The following HPSE2 variants were observed in gnomAD, a reference collection of about 807,000 sequenced individuals.
The protein encoded by HPSE2 is heparanase 2 (inactive).
A neutral mutation model predicts 60.5 loss-of-function variants in HPSE2; 38 were observed. The observed-to-expected ratio is 0.63, with a 90% CI of 0.48 to 0.82. HPSE2 has a LOEUF of 0.82. HPSE2 is among the 40% of genes least tolerant of loss of function. The pLI is 0.00. For missense variants in HPSE2, 713 were observed against 740.4 expected (o/e 0.96, Z 0.43); for synonymous variants, 295 against 293.2 (o/e 1.01, Z -0.06).
At chr10:98,789,011 T>C (rs984168705) in intron 3 of HPSE2, among the ~76,000 whole-genome samples, 4 of 152,228 alleles carry the variant, frequency 2.6e-5, no homozygotes, top group Admixed American at 1.3e-4. Context: ...TTTTTCTTTT[T>C]AGCACTTGTC....
chr10:98,796,449 C>T lies in HPSE2; in HGVS notation c.611-52393G>A, dbSNP rs370388784. ...GAAAGGCTCCTCTGCCTGTGAAAAG[C>T]GGAGAGAAGAGTGGGAAGGACTTTG... On this transcript the variant is annotated intron_variant, in intron 3 of 11. Coordinates refer to ENST00000370552, the MANE Select transcript of HPSE2 (RefSeq NM_021828.5). Among the ~76,000 whole-genome samples, 16 of 152,282 alleles carry T rather than the reference C, an allele frequency of 1.1e-4. No individual in the cohort carries two copies. In the South Asian group the frequency reaches 2.7e-3, roughly 26 times the overall value.
intron 3 of HPSE2, among the ~76,000 whole-genome samples, chr10:99,055,729 G>A (rs1026601928): frequency 2.6e-5 from 4 of 151,962 alleles, no homozygotes; most frequent in Admixed American, 1.3e-4. Context: ...ATAACCCATG[G>A]GTCAGGGAAG....
intron 5 of HPSE2, among the ~76,000 whole-genome samples, chr10:98,695,915 A>G (rs143292751): frequency 2.6e-4 from 40 of 152,292 alleles, no homozygotes; most frequent in African/African-American, 9.4e-4. Context: ...TCATAGGCAC[A>G]CAACCAGCTC....
At chr10:98,759,768 C>G (rs546321192) in intron 3 of HPSE2, among the ~76,000 whole-genome samples, 4 of 152,164 alleles carry the variant, frequency 2.6e-5, no homozygotes, top group African/African-American at 9.6e-5. Flanking sequence ...ATTGCTTTGA[C>G]TATTCAGGGT....
intron 3 of HPSE2, among the ~76,000 whole-genome samples, chr10:98,927,121 C>T (rs926666183): frequency 1.3e-5 from 2 of 152,006 alleles, no homozygotes; most frequent in African/African-American, 2.4e-5. Flanking sequence ...TCTATTAGGT[C>T]TGCTTGGTGC....
intron 9 of HPSE2, among the ~76,000 whole-genome samples, chr10:98,517,102 A>C (rs902046871): frequency 4.6e-5 from 7 of 151,860 alleles, no homozygotes; most frequent in African/African-American, 1.7e-4. Flanking sequence ...ACCTGAGAGA[A>C]AGCATACTAT....
intron 3 of HPSE2, among the ~76,000 whole-genome samples, chr10:98,886,768 A>G (rs1379043024): frequency 6.6e-6 from 1 of 152,182 alleles, no homozygotes; most frequent in Non-Finnish European, 1.5e-5. Flanking sequence ...AGAACAGAGT[A>G]AATGTCTTTA....
intron 3 of HPSE2, among the ~76,000 whole-genome samples, chr10:98,977,477 A>C (rs185655606): frequency 6.6e-6 from 1 of 152,274 alleles, no homozygotes; most frequent in African/African-American, 2.4e-5. Flanking sequence ...ATCTTGGCCC[A>C]TATGTCATTT....
intron 3 of HPSE2, among the ~76,000 whole-genome samples, chr10:99,100,535 C>T (rs866002009): frequency 5.3e-5 from 8 of 152,058 alleles, no homozygotes; most frequent in African/African-American, 7.2e-5. Context: ...CTGAAAGTGA[C>T]GGGGAGAACG....
chr10:99,074,932 C>A (rs1344073786), intron 3 of HPSE2, among the ~76,000 whole-genome samples: 1 of 151,664 alleles, frequency 6.6e-6, no homozygotes, highest in Non-Finnish European at 1.5e-5. Flanking sequence ...TTTATTTGAA[C>A]CCTCTCCCCT....
intron 3 of HPSE2, among the ~76,000 whole-genome samples, chr10:98,795,047 GGAAGGAAGGAAGGAAGGAAA>G (rs1174102095): frequency 1.4e-5 from 2 of 146,610 alleles, no homozygotes; most frequent in Non-Finnish European, 3.0e-5. Context: ...AAGGAAGGAA[GGAAGGAAGGAAGGAAGGAAA>G]GAAGGAAGGA....
At chr10:99,180,236 G>C (rs1284331060) in intron 2 of HPSE2, among the ~76,000 whole-genome samples, 1 of 152,162 alleles carries the variant, frequency 6.6e-6, no homozygotes, top group Non-Finnish European at 1.5e-5. Flanking sequence ...GAAAGCAATG[G>C]CAACAGAAGC....
chr10:98,822,167 C>A (rs562306532), intron 3 of HPSE2, among the ~76,000 whole-genome samples: 1 of 152,132 alleles, frequency 6.6e-6, no homozygotes, highest in Non-Finnish European at 1.5e-5. Context: ...CAAGGGCTGC[C>A]AAATAGTTAC....
At chr10:98,646,936 A>G (rs1456904588) in intron 6 of HPSE2, among the ~76,000 whole-genome samples, 2 of 152,228 alleles carry the variant, frequency 1.3e-5, no homozygotes, top group African/African-American at 2.4e-5. Context: ...CCAGTTTTTC[A>G]TAGTAAATAA....
At chr10:98,769,193 G>T (rs1434981387) in intron 3 of HPSE2, among the ~76,000 whole-genome samples, 2 of 152,150 alleles carry the variant, frequency 1.3e-5, no homozygotes, top group Non-Finnish European at 2.9e-5. Context: ...CTGGAAGATT[G>T]GGAAGAATTC....
chr10:99,157,030 A>G (rs1461993596), intron 2 of HPSE2, among the ~76,000 whole-genome samples: 6 of 115,206 alleles, frequency 5.2e-5, no homozygotes, highest in African/African-American at 1.4e-4. Flanking sequence ...AATACCTAGG[A>G]ATCCAACTTA....
chr10:98,622,478 T>C (rs1248079356), intron 7 of HPSE2, among the ~76,000 whole-genome samples: 4 of 152,144 alleles, frequency 2.6e-5, no homozygotes, highest in Non-Finnish European at 5.9e-5. Context: ...AAAGAAAAAA[T>C]ATATGTGCCA....
At chr10:98,596,025 C>A (rs191983625) in intron 9 of HPSE2, among the ~76,000 whole-genome samples, 6 of 152,260 alleles carry the variant, frequency 3.9e-5, no homozygotes, top group Admixed American at 1.3e-4. Flanking sequence ...GCATGTTGAA[C>A]CATTCTTGCA....
At chr10:99,182,915 G>A (rs1277428983) in intron 2 of HPSE2, among the ~76,000 whole-genome samples, 3 of 152,018 alleles carry the variant, frequency 2.0e-5, no homozygotes, top group Non-Finnish European at 4.4e-5. Flanking sequence ...AGAATGGCGT[G>A]AACCCGGGAG....
Sources: allele counts gnomAD v4.1 joint callset (sites outside exome capture counted in the v4.1 genomes callset), GRCh38; gene constraint gnomAD v4.1.1; transcripts MANE v1.5; gene names NCBI Gene and HGNC (gene_info 2026-07-23, HGNC 2026-07-21).